UBR4: variants seen among roughly 807,000 people sequenced by gnomAD.
UBR4 encodes E3 ubiquitin-protein ligase UBR4.
UBR4 carries 124 observed loss-of-function variants against 575.6 expected under a neutral mutation model. The ratio of observed to expected loss-of-function variants is 0.22; its 90% CI spans 0.19 to 0.25. The LOEUF (loss-of-function observed/expected upper bound fraction) is 0.25, where lower values mean the gene tolerates loss of function less well. Among genes scored for constraint, UBR4 ranks in the 10% least tolerant of loss-of-function variants. The pLI is 1.00. For missense variants in UBR4, 4,818 were observed against 6,478.8 expected, an observed-to-expected ratio of 0.74 and a Z score of 8.80; for synonymous variants, 2,455 against 2,473.7, an observed-to-expected ratio of 0.99 and a Z score of 0.22.
intron 94 of UBR4, among the ~76,000 whole-genome samples, 162 bp downstream of exon 94, chr1:19,094,744 C>T (rs764321557): frequency 3.9e-5 from 6 of 152,208 alleles, no homozygotes; most frequent in Admixed American, 6.5e-5. Context: ...TTTCACATTT[C>T]GATACAATTA....
chr1:19,096,248 A>G (rs2078029319), intron 92 of UBR4, among the ~76,000 whole-genome samples: 1 of 151,926 alleles, frequency 6.6e-6, no homozygotes. Flanking sequence ...AACAACAACA[A>G]TGATAATAGT....
intron 33 of UBR4, 137 bp from the exon 34 acceptor site, chr1:19,163,964 G>A: frequency 1.1e-6 from 1 of 923,718 alleles, no homozygotes; most frequent in Non-Finnish European, 1.7e-6. Context: ...AACTCCATAA[G>A]TACTATATAG....
At position 19,152,321 on chromosome 1, in the gene UBR4, T is replaced by C. The variant is rs1354965823; in HGVS notation, c.6988A>G (p.Asn2330Asp). ...CCCAGTGCCATTCTTACCTTGGTGT[T>C]GGCCACATACATGCCAGTGGAATTC... Reference protein sequence around the residue: ...RLNSTGMYVANTKPGGFTIEI... With the variant: ...RLNSTGMYVADTKPGGFTIEI... The change falls in exon 47 of 106, where the codon AAC becomes GAC. Residue 2330 changes from asparagine (N) to aspartate (D), a missense_variant. By Grantham distance (23) the Asn-to-Asp change is conservative. Transcript: ENST00000375254. This position sits in a 1 kb window ranked among gnomAD's most constrained non-coding sequence, Gnocchi z 4.4. The C allele has an allele frequency of 6.2e-7, 1 of 1,613,866 alleles. No individual in the cohort carries two copies. Among genetic ancestry groups the C allele is most frequent in the Non-Finnish European group, 8.5e-7 (1 of 1,179,846 alleles).
chr1:19,075,346 C>T, intron 105 of UBR4: 1 of 216,064 alleles, frequency 4.6e-6, no homozygotes, highest in Non-Finnish European at 9.4e-6. Context: ...CTGCCCACCT[C>T]CTCCTCCTCT....
chr1:19,177,386 G>A, intron 19 of UBR4, 75 bp downstream of exon 19: 6 of 1,557,498 alleles, frequency 3.9e-6, no homozygotes, highest in Non-Finnish European at 5.2e-6. Flanking sequence ...CATTTGGGCT[G>A]CGGATCATGG....
At position 19,106,830 on chromosome 1, in the gene UBR4, G is replaced by A. The variant is rs1359028478; in HGVS notation, c.12235+7C>T. On this transcript the variant is annotated splice_region_variant and intron_variant, in intron 82 of 105. Transcript: ENST00000375254. ...GACTTCCCGGCGTCTTGAAGAGAAA[G>A]ATATACCTCTGATAGGAAGACACTT... is the stretch of plus-strand genomic sequence containing the variant. 1 of 1,612,732 alleles carries A rather than the reference G, an allele frequency of 6.2e-7. No individual in the cohort carries two copies. Among genetic ancestry groups the A allele is most frequent in the African/African-American group, 1.3e-5 (1 of 74,896 alleles).
intron 84 of UBR4, among the ~76,000 whole-genome samples, chr1:19,105,468 C>T (rs2079084366): frequency 6.6e-6 from 1 of 152,200 alleles, no homozygotes; most frequent in Non-Finnish European, 1.5e-5. Context: ...TAAGATAATG[C>T]ATGCCAAGCA....
chr1:19,101,520 A>G lies in UBR4; in HGVS notation c.13023T>C (p.Pro4341=), dbSNP rs2078639431. The change falls in exon 88 of 106, where the codon CCT becomes CCC. Residue 4341 remains proline (P), a splice_region_variant and synonymous_variant. Coordinates refer to ENST00000375254, the MANE Select transcript of UBR4 (RefSeq NM_020765.3). ...IFERLCSIIY[P]EENEVTEFFV... Reference sequence around the variant, plus strand: ...CCATGGGAAGCACCGCACTGCTTACAGGATAAATGATGCTGCAGAGCCTCT... The same window carrying G: ...CCATGGGAAGCACCGCACTGCTTACGGGATAAATGATGCTGCAGAGCCTCT... The G allele has an allele frequency of 6.2e-7, 1 of 1,612,050 alleles. No individual in the cohort carries two copies. The highest frequency in any genetic ancestry group is 8.5e-7 in the Non-Finnish European group (1 of 1,178,622).
At chr1:19,177,971 T>C (rs1287164480) in intron 18 of UBR4, among the ~76,000 whole-genome samples, 1 of 152,088 alleles carries the variant, frequency 6.6e-6, no homozygotes, top group Non-Finnish European at 1.5e-5. Flanking sequence ...TCCTAACACT[T>C]TGGGAGGTCG....
chr1:19,078,355 G>A (rs1322077870), intron 103 of UBR4: 1 of 317,964 alleles, frequency 3.1e-6, no homozygotes, highest in African/African-American at 2.1e-5. Context: ...CGCCAGGGCA[G>A]ACGTGGCAAA....
At chr1:19,109,343 A>G (rs1236473318) in intron 81 of UBR4, among the ~76,000 whole-genome samples, 2 of 152,242 alleles carry the variant, frequency 1.3e-5, no homozygotes, top group Admixed American at 6.5e-5. Context: ...GGTTTCATTT[A>G]TTCACTTAAT....
In UBR4 at chr1:19,128,154, C is replaced by T. The variant is rs1570823632; in HGVS notation, c.9111+57G>A. ...GTTCCTCTATGAAACGAATGGGAACCTGAGAAAGGATCTCAGCCAATCCTG... is the reference window on the plus strand; with the variant it reads ...GTTCCTCTATGAAACGAATGGGAACTTGAGAAAGGATCTCAGCCAATCCTG... On this transcript the variant is annotated intron_variant, in intron 62 of 105. Transcript: ENST00000375254. 2.0e-6 allele frequency: 3 copies of T among 1,525,332 alleles called. No homozygotes were observed. The East Asian group carries it at 6.8e-5, about 34-fold the overall frequency. 94.5% of individuals were successfully genotyped at this position (1,525,332 alleles called of 1,614,324 possible).
chr1:19,144,898 T>A lies in UBR4; in HGVS notation c.7955A>T (p.His2652Leu). The A allele has an allele frequency of 1.9e-6, 3 of 1,614,004 alleles. No homozygotes were observed. The highest frequency in any genetic ancestry group is 2.5e-6 in the Non-Finnish European group (3 of 1,179,968). The change falls in exon 54 of 106, where the codon CAT becomes CTT. Residue 2652 changes from histidine (H) to leucine (L), a missense_variant. Physicochemically the swap from His to Leu is moderately conservative, Grantham distance 99. This residue lies in a region of UBR4 where 340 missense variants were observed against 375.4 expected (regional missense o/e 0.91). Coordinates refer to ENST00000375254, the MANE Select transcript of UBR4 (RefSeq NM_020765.3). ...LAPACLPGLT[H>L]IEATVNALVD... ...CAGAGCATTGACAGTAGCTTCAATA[T>A]GAGTTAGTCCTAAAGGAGAGACAAA... is the stretch of plus-strand genomic sequence containing the variant.
Position 19,148,012 on chromosome 1 carries a change from G to C in UBR4, c.7610C>G (p.Ser2537Trp), listed in dbSNP as rs774737289. ...SLLASLHTSRSAYHSHKDQAL... is the reference protein window; with the variant it reads ...SLLASLHTSRWAYHSHKDQAL... ...AGTTACCTTGTGGCTGTGGTAGGCC[G>C]AGCGGCTGGTGTGCAGGCTGGCCAG... Residue 2537 changes from serine (S) to tryptophan (W), a missense_variant, in exon 51 of 106, where the codon TCG becomes TGG. By Grantham distance (177) the Ser-to-Trp change is radical. Around this residue, in one of 29 missense-constraint regions of UBR4, gnomAD observed 340 missense variants for 375.4 expected, o/e 0.91. Transcript: ENST00000375254. 3 of 1,612,864 alleles carry C rather than the reference G, an allele frequency of 1.9e-6. No homozygotes were observed. The highest frequency in any genetic ancestry group is 2.5e-6 in the Non-Finnish European group (3 of 1,179,850).
chr1:19,178,649 C>CT (rs1039907955), intron 18 of UBR4, among the ~76,000 whole-genome samples: 10 of 152,202 alleles, frequency 6.6e-5, no homozygotes, highest in African/African-American at 2.4e-4. Context: ...TTAATCTGAG[C>CT]TTCCCCCAAG....
intron 90 of UBR4, among the ~76,000 whole-genome samples, chr1:19,097,667 C>T (rs762815580): frequency 6.6e-6 from 1 of 152,180 alleles, no homozygotes; most frequent in Non-Finnish European, 1.5e-5. Context: ...AAGCTATAAG[C>T]GGAGGTCTAA....
intron 55 of UBR4, among the ~76,000 whole-genome samples, chr1:19,142,013 C>T (rs1461569018): frequency 6.6e-6 from 1 of 152,176 alleles, no homozygotes; most frequent in Non-Finnish European, 1.5e-5. Flanking sequence ...TAAAATGTTC[C>T]AGCTGGTGAA....
rs150338901 is a variant in UBR4, at chr1:19,110,599, C to T, written c.11893-135G>A. On this transcript the variant is annotated intron_variant, in intron 79 of 105. Transcript: ENST00000375254. The surrounding 1 kb of genome is among the most constrained non-coding windows in gnomAD (Gnocchi z 4.5). Reference sequence around the variant, plus strand: ...CAGACGGAGACCCTTGTGCTCCAGGCTCTTCCCTGGGAAAACCATTCTGGG... The same window carrying T: ...CAGACGGAGACCCTTGTGCTCCAGGTTCTTCCCTGGGAAAACCATTCTGGG... 3 of 1,344,186 alleles carry T rather than the reference C, an allele frequency of 2.2e-6. 1 individual carries two copies. The highest frequency in any genetic ancestry group is 3.2e-6 in the Non-Finnish European group (3 of 946,362). 83.3% of individuals were successfully genotyped at this position (1,344,186 alleles called of 1,614,324 possible).
chr1:19,159,603 CTTT>C (rs35082539), intron 39 of UBR4, among the ~76,000 whole-genome samples: 7 of 139,678 alleles, frequency 5.0e-5, no homozygotes, highest in Admixed American at 1.4e-4. Context: ...AGCCCCACTC[CTTT>C]TTTTTTTTTT....
Sources: gnomAD v4.1 joint callset for allele counts (sites outside exome capture counted in the v4.1 genomes callset) on GRCh38, gnomAD v4.1.1 for gene constraint, gnomAD v4.1.1 regional missense constraint, Gnocchi (gnomAD v3.1) non-coding constraint, MANE v1.5 for transcripts, NCBI Gene and HGNC (gene_info 2026-07-23, HGNC 2026-07-21) for gene names.